REDIC1: variants seen among roughly 807,000 people sequenced by gnomAD.
The protein encoded by REDIC1 is regulator of DNA class I crossover intermediates 1, also known as HEI10 Interacting Protein 1.
At chr12:39,812,887 T>A in the REDIC1 span, among the ~76,000 whole-genome samples, 1 of 141,038 alleles carries the variant, frequency 7.1e-6, no homozygotes, top group Non-Finnish European at 1.5e-5. Context: ...CAGGCTGGAG[T>A]GTAATGGTGT....
At chr12:39,626,490 A>T in the REDIC1 span, 2 of 1,200,722 alleles carry the variant, frequency 1.7e-6, no homozygotes, top group African/African-American at 3.0e-5. Context: ...TTGTTATCCA[A>T]ATCGGGTTGG....
At chr12:39,647,945 A>C in the REDIC1 span, 2 of 1,584,872 alleles carry the variant, frequency 1.3e-6, no homozygotes, top group Non-Finnish European at 1.7e-6. Context: ...TACTCCTCAG[A>C]AACTTGCATA....
At chr12:39,637,528 G>A in the REDIC1 span, among the ~76,000 whole-genome samples, 1 of 152,020 alleles carries the variant, frequency 6.6e-6, no homozygotes, top group Admixed American at 6.6e-5. Context: ...GTAAAACAAC[G>A]TTGAAAGCTA....
the REDIC1 span, among the ~76,000 whole-genome samples, chr12:39,815,782 G>A: frequency 6.6e-6 from 1 of 152,034 alleles, no homozygotes; most frequent in Non-Finnish European, 1.5e-5. Flanking sequence ...TCCCAGTCTG[G>A]AAAAAACAAA....
chr12:39,904,668 A>G, the REDIC1 span, among the ~76,000 whole-genome samples: 3 of 152,086 alleles, frequency 2.0e-5, no homozygotes, highest in African/African-American at 7.2e-5. Context: ...GACAGAGCTC[A>G]TTTCAGGTTC....
At chr12:39,704,882 T>C in the REDIC1 span, among the ~76,000 whole-genome samples, 1 of 150,736 alleles carries the variant, frequency 6.6e-6, no homozygotes, top group Non-Finnish European at 1.5e-5. Flanking sequence ...TGAGAACACA[T>C]GGACACAGGA....
chr12:39,901,289 C>T, the REDIC1 span, among the ~76,000 whole-genome samples: 9 of 152,174 alleles, frequency 5.9e-5, no homozygotes, highest in East Asian at 1.9e-4. Flanking sequence ...GGGCAAGGAC[C>T]TCATGTCTAA....
chr12:39,859,750 C>G, the REDIC1 span, among the ~76,000 whole-genome samples: 1 of 152,070 alleles, frequency 6.6e-6, no homozygotes, highest in East Asian at 1.9e-4. Flanking sequence ...TGGTCTCAAA[C>G]TGCTGACCTT....
the REDIC1 span, chr12:39,682,677 G>A: frequency 5.0e-5 from 80 of 1,610,920 alleles, no homozygotes; most frequent in South Asian, 1.5e-4. Context: ...GTAGAAGCAC[G>A]GATGAAATAA....
At chr12:39,734,610 A>G in the REDIC1 span, among the ~76,000 whole-genome samples, 1 of 152,198 alleles carries the variant, frequency 6.6e-6, no homozygotes, top group Non-Finnish European at 1.5e-5. Context: ...GCACATAGAT[A>G]TCCAGTTGCT....
the REDIC1 span, among the ~76,000 whole-genome samples, chr12:39,672,314 C>T: frequency 3.8e-4 from 57 of 151,960 alleles, no homozygotes; most frequent in African/African-American, 1.2e-3. Context: ...GGCTGGTCCC[C>T]GGTGTTTGAG....
At chr12:39,664,839 T>C in the REDIC1 span, among the ~76,000 whole-genome samples, 4 of 152,360 alleles carry the variant, frequency 2.6e-5, no homozygotes, top group East Asian at 5.8e-4. Context: ...ATGATGAGCA[T>C]TTTTTCATGT....
the REDIC1 span, among the ~76,000 whole-genome samples, chr12:39,633,330 T>C: frequency 1.3e-5 from 2 of 152,132 alleles, no homozygotes; most frequent in African/African-American, 4.8e-5. Context: ...TTAGGGATCA[T>C]CAATCTCATT....
the REDIC1 span, among the ~76,000 whole-genome samples, chr12:39,890,608 T>C: frequency 6.6e-6 from 1 of 152,120 alleles, no homozygotes; most frequent in South Asian, 2.1e-4. Flanking sequence ...ATTTGTGGGA[T>C]TTTTTTCATT....
the REDIC1 span, among the ~76,000 whole-genome samples, chr12:39,896,519 T>TGTATACATGTATGTATGTATGTGTGTAA: frequency 7.1e-6 from 1 of 139,964 alleles, no homozygotes; most frequent in Non-Finnish European, 1.6e-5. Flanking sequence ...CATGTGTGTA[T>TGTATACATGTATGTATGTATGTGTGTAA]ACATGTATAC....
the REDIC1 span, among the ~76,000 whole-genome samples, chr12:39,649,969 A>T: frequency 6.6e-6 from 1 of 151,490 alleles, no homozygotes; most frequent in Non-Finnish European, 1.5e-5. Flanking sequence ...TTGTTTTTTT[A>T]TTTTTTATTT....
the REDIC1 span, among the ~76,000 whole-genome samples, chr12:39,761,119 A>G: frequency 6.6e-6 from 1 of 151,980 alleles, no homozygotes; most frequent in African/African-American, 2.4e-5. Context: ...AAGATGAAAA[A>G]CTAATGTGAC....
the REDIC1 span, among the ~76,000 whole-genome samples, chr12:39,692,516 T>C: frequency 7.3e-6 from 1 of 137,052 alleles, no homozygotes; most frequent in Non-Finnish European, 1.6e-5. Context: ...GATCCAACTC[T>C]ATATATTTTT....
At chr12:39,759,464 A>C in the REDIC1 span, 3 of 152,750 alleles carry the variant, frequency 2.0e-5, no homozygotes, top group Non-Finnish European at 4.4e-5. Context: ...AATCCAAAGG[A>C]GATACGGACA....
Sources: allele counts gnomAD v4.1 joint callset (sites outside exome capture counted in the v4.1 genomes callset), GRCh38; gene constraint gnomAD v4.1.1; transcripts MANE v1.5; gene names NCBI Gene and HGNC (gene_info 2026-07-23, HGNC 2026-07-21).